ZNF620: variants seen among roughly 807,000 people sequenced by gnomAD.
The protein encoded by ZNF620 is zinc finger protein 620.
ZNF620 carries 10 observed loss-of-function variants against 13.3 expected under a neutral mutation model. The ratio of observed to expected loss-of-function variants is 0.75; its 90% confidence interval spans 0.46 to 1.28. ZNF620 has a LOEUF of 1.28. ZNF620 is among the 50% of genes most tolerant of loss of function. ZNF620 has a pLI of 0.00. For synonymous variants in ZNF620, 166 were observed against 177.6 expected, an observed-to-expected ratio of 0.93 and a Z score of 0.52; for missense variants, 461 against 500.2, an observed-to-expected ratio of 0.92 and a Z score of 0.75.
In ZNF620 at chr3:40,513,336, T is replaced by A. The variant is rs1198405700; in HGVS notation, c.265+821T>A. On this transcript the variant is annotated intron_variant, in intron 4 of 4. Transcript: ENST00000314529. ...AAAAAAATATATATATATATATATATATATATATATATATATATGGCCAGG... is the reference window on the plus strand; with the variant it reads ...AAAAAAATATATATATATATATATAAATATATATATATATATATGGCCAGG... Among the ~76,000 whole-genome samples the A allele has an allele frequency of 1.3e-3, 170 of 132,308 alleles. 8 individuals carry two copies. The highest frequency in any genetic ancestry group is 4.7e-3 in the African/African-American group (160 of 34,200). 86.8% of individuals were successfully genotyped at this position (132,308 alleles called of 152,430 possible). A position where few individuals can be genotyped will look rare whatever the true frequency, so the allele number is the denominator to read the frequency against.
In ZNF620 at chr3:40,516,460, T is replaced by C. The variant is rs1698389208; in HGVS notation, c.866T>C (p.Phe289Ser). ...GAATGTAAGGAGTGCGGCAAGGCCT[T>C]CAGTAGCAGCTCTGTCTTCCTCCAG... is the stretch of plus-strand genomic sequence containing the variant. ...PYECKECGKA[F>S]SSSSVFLQHQ... is the part of the protein sequence containing the mutation. Residue 289 changes from phenylalanine (F) to serine (S), a missense_variant, in exon 5 of 5, where the codon TTC becomes TCC. Phe to Ser is a radical substitution (Grantham distance 155). Coordinates refer to ENST00000314529, the MANE Select transcript of ZNF620 (RefSeq NM_175888.4). 1.2e-6 allele frequency: 2 copies of C among 1,613,916 alleles called. No individual in the cohort carries two copies. Among genetic ancestry groups the C allele is most frequent in the Non-Finnish European group, 1.7e-6 (2 of 1,179,902 alleles).
chr3:40,509,135 A>C (rs1282617545), intron 2 of ZNF620, among the ~76,000 whole-genome samples: 1 of 152,106 alleles, frequency 6.6e-6, no homozygotes, highest in East Asian at 1.9e-4. Flanking sequence ...ACCATTATTG[A>C]TATGGCTGGA....
At position 40,512,504 on chromosome 3, in the gene ZNF620, G is replaced by A. The variant is rs766145411; in HGVS notation, c.254G>A (p.Gly85Asp). 6.2e-7 allele frequency: 1 copy of A among 1,612,620 alleles called. No individual in the cohort carries two copies. The highest frequency in any genetic ancestry group is 8.5e-7 in the Non-Finnish European group (1 of 1,179,444). The part of the protein sequence containing the change: ...WEPMGREALR[G>D]ICPGDEARTE... ...CCTATGGGCAGGGAGGCTCTCAGAG[G>A]TATCTGTCCAGGTGAGCATGAGAAC... is the stretch of plus-strand genomic sequence containing the variant. Residue 85 changes from glycine to aspartate, a missense_variant, in exon 4 of 5, where the codon GGT becomes GAT. Coordinates refer to ENST00000314529, the MANE Select transcript of ZNF620 (RefSeq NM_175888.4).
At chr3:40,515,589 C>T (rs987963396) in intron 4 of ZNF620, among the ~76,000 whole-genome samples, 5 of 152,142 alleles carry the variant, frequency 3.3e-5, no homozygotes, top group Non-Finnish European at 5.9e-5. Context: ...TTGCAGTTTT[C>T]TGGTTTTCAC....
At chr3:40,512,163 C>G (rs974049315) in intron 3 of ZNF620, among the ~76,000 whole-genome samples, 1 of 152,222 alleles carries the variant, frequency 6.6e-6, no homozygotes, top group Non-Finnish European at 1.5e-5. Context: ...AGCAAAGCCC[C>G]TTGTGTCTTC....
At chr3:40,510,792 A>T (rs1198278432) in intron 2 of ZNF620, among the ~76,000 whole-genome samples, 8 of 152,092 alleles carry the variant, frequency 5.3e-5, no homozygotes, top group Non-Finnish European at 1.2e-4. Context: ...TCTGTCACCC[A>T]GGCTGGCGTA....
rs1698442223 is a variant in ZNF620 at position 40,518,135 on chromosome 3, A to AACCTAC, written c.*1273_*1278dup. On this transcript the variant is annotated 3_prime_UTR_variant, in exon 5 of 5. Coordinates refer to ENST00000314529, the MANE Select transcript of ZNF620 (RefSeq NM_175888.4). Reference sequence around the variant, plus strand: ...TAGTTATTTTTTATGATCATGGAAGAACCTACCATTATTGCTGTTACCTGT... The same window carrying AACCTAC: ...TAGTTATTTTTTATGATCATGGAAGAACCTACACCTACCATTATTGCTGTTACCTGT... The AACCTAC allele has an allele frequency of 6.6e-6, 1 of 152,268 alleles. No individual in the cohort carries two copies. Among genetic ancestry groups the AACCTAC allele is most frequent in the Non-Finnish European group, 1.5e-5 (1 of 68,048 alleles). The allele number at this position is 152,268 out of a possible 1,614,324, so 9.4% of individuals were successfully genotyped here. A position where few individuals can be genotyped will look rare whatever the true frequency, so the allele number is the denominator to read the frequency against.
chr3:40,517,714 A>C lies in ZNF620; in HGVS notation c.*851A>C, dbSNP rs1316105096. Reference sequence around the variant, plus strand: ...AGGCATTTCAGACCCTTTAAATCTGAAATCTTTATCTCCCATGCATCCTTT... The same window carrying C: ...AGGCATTTCAGACCCTTTAAATCTGCAATCTTTATCTCCCATGCATCCTTT... On this transcript the variant is annotated 3_prime_UTR_variant, in exon 5 of 5. Transcript: ENST00000314529. The C allele has an allele frequency of 6.6e-6, 1 of 152,166 alleles. No homozygotes were observed. Among genetic ancestry groups the C allele is most frequent in the Non-Finnish European group, 1.5e-5 (1 of 68,036 alleles). 9.4% of individuals were successfully genotyped at this position (152,166 alleles called of 1,614,324 possible). A position where few individuals can be genotyped will look rare whatever the true frequency, so the allele number is the denominator to read the frequency against.
rs770483097 is a variant in ZNF620, at chr3:40,516,120, A to T, written c.526A>T (p.Asn176Tyr). 9 of 1,614,092 alleles carry T rather than the reference A, an allele frequency of 5.6e-6. No homozygotes were observed. In the East Asian group the frequency reaches 1.8e-4, roughly 32 times the overall value. Residue 176 changes from asparagine (N) to tyrosine (Y), a missense_variant, in exon 5 of 5, where the codon AAT becomes TAT. Asn to Tyr is a moderately radical substitution (Grantham distance 143). Transcript: ENST00000314529. ...AGAGAAGTTTGAGAAATTAGGAAAA[A>T]ATATTAGCGTCAGCACACAACTCAC... is the stretch of plus-strand genomic sequence containing the variant. ...NGEKFEKLGK[N>Y]ISVSTQLTTN...
chr3:40,514,126 C>T (rs1698300498), intron 4 of ZNF620, among the ~76,000 whole-genome samples: 1 of 152,222 alleles, frequency 6.6e-6, no homozygotes, highest in African/African-American at 2.4e-5. Flanking sequence ...GGCCCACCCG[C>T]AGCCATCCGG....
intron 2 of ZNF620, among the ~76,000 whole-genome samples, chr3:40,507,071 T>C (rs1270456924): frequency 6.6e-6 from 1 of 151,358 alleles, no homozygotes; most frequent in African/African-American, 2.4e-5. Context: ...TTTCTGTGTC[T>C]ATTTAGATGA....
rs1268762568 is a variant in ZNF620 at position 40,518,107 on chromosome 3, A to G, written c.*1244A>G. ...GCAGGCAGCATTTTCTTGCAATTCC[A>G]TCTAGTTATTTTTTATGATCATGGA... On this transcript the variant is annotated 3_prime_UTR_variant, in exon 5 of 5. Coordinates refer to ENST00000314529, the MANE Select transcript of ZNF620 (RefSeq NM_175888.4). 6.6e-6 allele frequency: 1 copy of G among 152,206 alleles called. No homozygotes were observed. The highest frequency in any genetic ancestry group is 1.5e-5 in the Non-Finnish European group (1 of 68,026). The allele number at this position is 152,206 out of a possible 1,614,324, so 9.4% of individuals were successfully genotyped here. A position where few individuals can be genotyped will look rare whatever the true frequency, so the allele number is the denominator to read the frequency against.
chr3:40,506,160 G>A, intron 1 of ZNF620, 22 bp downstream of exon 1: 2 of 692,936 alleles, frequency 2.9e-6, no homozygotes, highest in African/African-American at 1.8e-5. Flanking sequence ...GTTTTCCTGG[G>A]GCTTGTTCTG....
chr3:40,513,659 C>A (rs1698280127), intron 4 of ZNF620, among the ~76,000 whole-genome samples: 1 of 151,456 alleles, frequency 6.6e-6, no homozygotes, highest in African/African-American at 2.4e-5. Flanking sequence ...ACTGAGGGCA[C>A]AAGCTGTTCC....
At chr3:40,513,443 C>T (rs1698272440) in intron 4 of ZNF620, among the ~76,000 whole-genome samples, 1 of 149,262 alleles carries the variant, frequency 6.7e-6, no homozygotes, top group Non-Finnish European at 1.5e-5. Flanking sequence ...TCGAGACCAG[C>T]CTGGCCAACA....
At chr3:40,515,490 T>A (rs537065456) in intron 4 of ZNF620, among the ~76,000 whole-genome samples, 1 of 152,248 alleles carries the variant, frequency 6.6e-6, no homozygotes, top group Non-Finnish European at 1.5e-5. Flanking sequence ...CTCTCACTTA[T>A]GGATTTCCAT....
rs557000421 is a variant in ZNF620, at chr3:40,506,628, T to TA, written c.24+253dup. On this transcript the variant is annotated intron_variant, in intron 2 of 4. Transcript: ENST00000314529. ...TATGAAATGTGGAAATCTGCATTAT[T>TA]ACATCCAATAAAGACCCCTTTCACC... 1.4e-4 allele frequency among the ~76,000 whole-genome samples: 21 copies of TA among 152,320 alleles called. No homozygotes were observed. In the South Asian group the frequency reaches 4.4e-3, roughly 32 times the overall value.
chr3:40,510,255 T>C (rs1698153007), intron 2 of ZNF620, among the ~76,000 whole-genome samples: 1 of 152,136 alleles, frequency 6.6e-6, no homozygotes, highest in Non-Finnish European at 1.5e-5. Context: ...TGAAGCAATC[T>C]TCTCACCTTG....
chr3:40,513,259 G>C (rs1698254280), intron 4 of ZNF620, among the ~76,000 whole-genome samples: 1 of 142,052 alleles, frequency 7.0e-6, no homozygotes, highest in South Asian at 2.2e-4. Flanking sequence ...GAGGCCAGGA[G>C]TTCAAGACCA....
Sources: gnomAD v4.1 joint callset for allele counts (sites outside exome capture counted in the v4.1 genomes callset) on GRCh38, gnomAD v4.1.1 for gene constraint, MANE v1.5 for transcripts, NCBI Gene and HGNC (gene_info 2026-07-23, HGNC 2026-07-21) for gene names.